The following TC2N variants were observed in gnomAD, a reference collection of about 807,000 sequenced individuals.
TC2N encodes tandem C2 domains nuclear protein.
A neutral mutation model predicts 61.9 loss-of-function variants in TC2N; 51 were observed. The ratio of observed to expected loss-of-function variants is 0.82; its 90% CI spans 0.66 to 1.04. The LOEUF (loss-of-function observed/expected upper bound fraction) is 1.04, where lower values mean the gene tolerates loss of function less well. Among genes scored for constraint, TC2N ranks in the 50% least tolerant of loss-of-function variants. The pLI, the probability that TC2N is intolerant of heterozygous loss-of-function variation, is 0.00. For synonymous variants in TC2N, 204 were observed against 192.6 expected (o/e 1.06, Z -0.49); for missense variants, 556 against 566.7 (o/e 0.98, Z 0.19).
At chr14:91,785,092 G>T in intron 11 of TC2N, 70 bp downstream of exon 11, 1 of 1,057,222 alleles carries the variant, frequency 9.5e-7, no homozygotes, top group Non-Finnish European at 1.4e-6. Flanking sequence ...ATATTATCCT[G>T]TATTCCCTTT....
At chr14:91,797,073 A>G (rs1885933659) in intron 8 of TC2N, among the ~76,000 whole-genome samples, 1 of 152,128 alleles carries the variant, frequency 6.6e-6, no homozygotes, top group African/African-American at 2.4e-5. Context: ...TAGTGTCAAG[A>G]TAATTTCTAA....
At chr14:91,815,751 C>A (rs1360695107) in intron 1 of TC2N, among the ~76,000 whole-genome samples, 1 of 151,638 alleles carries the variant, frequency 6.6e-6, no homozygotes, top group African/African-American at 2.4e-5. Flanking sequence ...CATATAATTT[C>A]ATCCATAAAC....
chr14:91,791,175 A>AGGG (rs1885628018), intron 9 of TC2N, among the ~76,000 whole-genome samples: 1 of 27,942 alleles, frequency 3.6e-5, no homozygotes, highest in Non-Finnish European at 1.0e-4. Flanking sequence ...AGGGAAGGGA[A>AGGG]AGGAGGGGAG....
chr14:91,848,813 G>A (rs1275253421), intron 1 of TC2N, among the ~76,000 whole-genome samples: 2 of 152,242 alleles, frequency 1.3e-5, no homozygotes, highest in African/African-American at 2.4e-5. Context: ...CTGAAAATTC[G>A]TATCATTTGT....
At chr14:91,826,041 G>A (rs185312820) in intron 1 of TC2N, among the ~76,000 whole-genome samples, 31 of 152,236 alleles carry the variant, frequency 2.0e-4, no homozygotes, top group African/African-American at 7.0e-4. Flanking sequence ...TCTTGGCAGG[G>A]CATAGTGCCT....
In TC2N at chr14:91,812,513, G is replaced by A. The variant is rs554194068; in HGVS notation, c.100C>T (p.Pro34Ser). 4 of 1,591,798 alleles carry A rather than the reference G, an allele frequency of 2.5e-6. No individual in the cohort carries two copies. In the African/African-American group the frequency reaches 4.0e-5, roughly 16 times the overall value. ...SVERDFKAAV[P>S]NSQNATISVP... ...GAGATAGTAGCATTTTGACTATTTG[G>A]GACTGCTGCTTTAAAATCTCTTTCC... The change falls in exon 3 of 12, where the codon CCA (proline) becomes TCA (serine). Residue 34 changes from proline (P) to serine (S), a missense_variant. Physicochemically the swap from Pro to Ser is moderately conservative, Grantham distance 74. Transcript: ENST00000435962.
chr14:91,801,080 G>GTATA (rs59418798), intron 4 of TC2N, among the ~76,000 whole-genome samples: 18 of 111,464 alleles, frequency 1.6e-4, no homozygotes, highest in African/African-American at 4.9e-4. Flanking sequence ...ATGTGTGTGT[G>GTATA]TATATATATA....
Position 91,849,390 on chromosome 14 carries a change from A to C in TC2N, c.-57+17872T>G, listed in dbSNP as rs1888329836. Among the ~76,000 whole-genome samples, 5 of 152,320 alleles carry C rather than the reference A, an allele frequency of 3.3e-5. No homozygotes were observed. The South Asian group carries it at 1.0e-3, about 32-fold the overall frequency. ...CCACGTTTCCCAGGTAGAACAGGTC[A>C]ATCCATAATAAAAGACAGTGAAGTT... On this transcript the variant is annotated intron_variant, in intron 1 of 11. Transcript: ENST00000435962.
At chr14:91,794,337 T>C (rs889836708) in intron 8 of TC2N, among the ~76,000 whole-genome samples, 1 of 152,172 alleles carries the variant, frequency 6.6e-6, no homozygotes, top group Non-Finnish European at 1.5e-5. Context: ...CAACAACAGA[T>C]TTTCAATGTA....
At position 91,797,851 on chromosome 14, in the gene TC2N, AG is replaced by A; in HGVS notation, c.788del (p.Ser263LeufsTer2). ...TGGGCAATGTAAGTATTCCTTTTATAGAAACAGTAGGAGTGTCTCCATAACT... is the reference window on the plus strand; with the variant it reads ...TGGGCAATGTAAGTATTCCTTTTATAAAACAGTAGGAGTGTCTCCATAACT... ...PSSYGDTPTVSIKGILTLPKP... is the reference protein window; with the variant it reads ...PSSYGDTPTVXIKGILTLPKP... On this transcript the variant is annotated frameshift_variant, in exon 8 of 12. Coordinates refer to ENST00000435962, the MANE Select transcript of TC2N (RefSeq NM_001128596.3). LOFTEE classifies it high-confidence loss of function. 6.2e-7 allele frequency: 1 copy of A among 1,611,286 alleles called. No individual in the cohort carries two copies.
intron 1 of TC2N, among the ~76,000 whole-genome samples, chr14:91,852,841 G>C (rs1184535832): frequency 6.6e-6 from 1 of 152,212 alleles, no homozygotes; most frequent in African/African-American, 2.4e-5. Context: ...GGGAGGCAGA[G>C]GGGGCAGATC....
At chr14:91,789,535 C>T (rs1200796131) in intron 9 of TC2N, among the ~76,000 whole-genome samples, 1 of 151,296 alleles carries the variant, frequency 6.6e-6, no homozygotes, top group African/African-American at 2.4e-5. Flanking sequence ...GGAGTGAACC[C>T]AGGAGGCGGA....
At position 91,850,490 on chromosome 14, in the gene TC2N, A is replaced by C. The variant is rs185183796; in HGVS notation, c.-57+16772T>G. 5.9e-5 allele frequency among the ~76,000 whole-genome samples: 9 copies of C among 152,324 alleles called. No individual in the cohort carries two copies. In the East Asian group the frequency reaches 1.7e-3, roughly 29 times the overall value. On this transcript the variant is annotated intron_variant, in intron 1 of 11. Coordinates refer to ENST00000435962, the MANE Select transcript of TC2N (RefSeq NM_001128596.3). The stretch of plus-strand genomic sequence containing the variant: ...ACAGCAGGTGAGCGAGTGAAGCTTC[A>C]TCTGTATTTACAGCCTCTCCCCATC...
At chr14:91,796,128 A>C (rs879884682) in intron 8 of TC2N, among the ~76,000 whole-genome samples, 1 of 152,034 alleles carries the variant, frequency 6.6e-6, no homozygotes, top group Non-Finnish European at 1.5e-5. Context: ...CAAAAAGTAA[A>C]ATTGTTTAAT....
intron 1 of TC2N, among the ~76,000 whole-genome samples, chr14:91,862,339 C>CAAAAAAAAA (rs56816512): frequency 0.012 from 1,296 of 106,294 alleles, 27 homozygotes; most frequent in African/African-American, 0.042. Context: ...GACTCTGTCT[C>CAAAAAAAAA]AAAAAAAAAA....
In TC2N at chr14:91,787,554, T is replaced by C; in HGVS notation, c.1121A>G (p.Glu374Gly). ...VNSRIQLQIL[E>G]ARYLPSSSTP... ...TGATGAGCTTGGAAGGTACCGTGCCTCAAGAATTTGTAACTGAATTCTGCT... is the reference window on the plus strand; with the variant it reads ...TGATGAGCTTGGAAGGTACCGTGCCCCAAGAATTTGTAACTGAATTCTGCT... The change falls in exon 10 of 12, where the codon GAG (glutamate) becomes GGG (glycine). Residue 374 changes from glutamate to glycine, a missense_variant. By Grantham distance (98) the Glu-to-Gly change is moderately conservative (BLOSUM62 -2). Transcript: ENST00000435962. The C allele has an allele frequency of 6.2e-7, 1 of 1,612,992 alleles. No individual in the cohort carries two copies. Among genetic ancestry groups the C allele is most frequent in the Non-Finnish European group, 8.5e-7 (1 of 1,179,530 alleles).
intron 2 of TC2N, 83 bp from the exon 3 acceptor site, chr14:91,812,628 T>C: frequency 4.5e-6 from 3 of 670,218 alleles, no homozygotes; most frequent in Non-Finnish European, 7.5e-6. Flanking sequence ...TTGATATTTA[T>C]TTAACCATTT....
At chr14:91,860,524 G>T (rs1888569333) in intron 1 of TC2N, among the ~76,000 whole-genome samples, 1 of 152,024 alleles carries the variant, frequency 6.6e-6, no homozygotes, top group African/African-American at 2.4e-5. Flanking sequence ...CATCTTCATG[G>T]GCTAGTCTTC....
At chr14:91,803,414 C>CAT (rs1254509353) in intron 3 of TC2N, among the ~76,000 whole-genome samples, 9 of 39,854 alleles carry the variant, frequency 2.3e-4, no homozygotes, top group African/African-American at 8.8e-4. Context: ...TACATACATA[C>CAT]ACACACACAC....
Sources: allele counts gnomAD v4.1 joint callset (sites outside exome capture counted in the v4.1 genomes callset), GRCh38; gene constraint gnomAD v4.1.1; transcripts MANE v1.5; gene names NCBI Gene and HGNC (gene_info 2026-07-23, HGNC 2026-07-21).